The following VWF variants were observed in gnomAD, a reference collection of about 807,000 sequenced individuals.
VWF encodes the protein Factor VIII related antigen.
Under a neutral mutation model 308.6 loss-of-function variants are expected in VWF, and 176 were observed. The observed-to-expected ratio is 0.57, with a 90% confidence interval of 0.50 to 0.65. The LOEUF (loss-of-function observed/expected upper bound fraction) is 0.65, where lower values mean the gene tolerates loss of function less well. Ranked by LOEUF, VWF falls within the 30% of genes least tolerant of loss-of-function variation. The pLI is 0.00. For missense variants in VWF, 3,146 were observed against 3,648.2 expected (o/e 0.86, Z 3.55); for synonymous variants, 1,385 against 1,443.4 (o/e 0.96, Z 0.92).
intron 16 of VWF, among the ~76,000 whole-genome samples, chr12:6,050,875 A>G (rs11064009): frequency 0.039 from 6,004 of 152,092 alleles, 149 homozygotes; most frequent in Middle Eastern, 0.065. Flanking sequence ...GAATCGCTTG[A>G]ACCCCAGAGG....
chr12:6,030,018 C>T (rs1944241012), intron 21 of VWF, among the ~76,000 whole-genome samples: 1 of 152,194 alleles, frequency 6.6e-6, no homozygotes, highest in Non-Finnish European at 1.5e-5. Flanking sequence ...CTGGGAATCA[C>T]ACACTGCAGG....
chr12:6,031,744 A>G (rs1234989376), intron 20 of VWF, among the ~76,000 whole-genome samples, 166 bp from the exon 21 acceptor site: 1 of 147,320 alleles, frequency 6.8e-6, no homozygotes, highest in Non-Finnish European at 1.5e-5. Context: ...GACGGGGGAT[A>G]TGCCCAGGTG....
At chr12:6,049,421 C>T (rs1289028636) in intron 16 of VWF, among the ~76,000 whole-genome samples, 3 of 152,176 alleles carry the variant, frequency 2.0e-5, no homozygotes, top group East Asian at 1.9e-4. Context: ...GGGGCCAAGG[C>T]GCACCTTCTC....
At chr12:6,080,274 A>G (rs983138017) in intron 6 of VWF, among the ~76,000 whole-genome samples, 6 of 152,246 alleles carry the variant, frequency 3.9e-5, no homozygotes, top group Non-Finnish European at 7.3e-5. Flanking sequence ...ATGCTGAATC[A>G]AACCTAACAG....
At chr12:5,964,031 C>T (rs904089531) in intron 47 of VWF, among the ~76,000 whole-genome samples, 2 of 151,998 alleles carry the variant, frequency 1.3e-5, no homozygotes, top group South Asian at 2.1e-4. Flanking sequence ...CACGGTGAAA[C>T]CCCGTCTCTA....
At chr12:5,997,913 A>G (rs1187328799) in intron 34 of VWF, among the ~76,000 whole-genome samples, 1 of 152,244 alleles carries the variant, frequency 6.6e-6, no homozygotes, top group Non-Finnish European at 1.5e-5. Context: ...TTAGAGTTAT[A>G]TAACAAAATG....
At chr12:6,054,333 G>A (rs1944552860) in intron 15 of VWF, among the ~76,000 whole-genome samples, 1 of 152,340 alleles carries the variant, frequency 6.6e-6, no homozygotes, top group South Asian at 2.1e-4. Context: ...AATACTGAGG[G>A]AGTGTAGGTT....
chr12:5,955,299 G>A (rs1205673366), intron 47 of VWF, among the ~76,000 whole-genome samples: 1 of 151,810 alleles, frequency 6.6e-6, no homozygotes, highest in Admixed American at 6.5e-5. Context: ...CATGTGCCAT[G>A]CTGGTGTGCT....
chr12:5,987,088 C>T (rs1215736500), intron 38 of VWF, among the ~76,000 whole-genome samples: 1 of 152,102 alleles, frequency 6.6e-6, no homozygotes, highest in East Asian at 1.9e-4. Context: ...CCACCATACC[C>T]AGCTAATTTT....
intron 47 of VWF, among the ~76,000 whole-genome samples, chr12:5,966,450 A>T (rs1943405263): frequency 1.3e-5 from 2 of 152,130 alleles, no homozygotes; most frequent in African/African-American, 4.8e-5. Context: ...TCTCCTACAG[A>T]CCCATCCGCT....
rs372337280 is a variant in VWF, at chr12:6,100,248, G to C, written c.533-4664C>G. 6.0e-5 allele frequency among the ~76,000 whole-genome samples: 9 copies of C among 150,004 alleles called. No individual in the cohort carries two copies. In the East Asian group the frequency reaches 1.5e-3, roughly 26 times the overall value. On this transcript the variant is annotated intron_variant, in intron 5 of 51. Coordinates refer to ENST00000261405, the MANE Select transcript of VWF (RefSeq NM_000552.5). ...ATTAAAAAGTCAGGAAACAACAGGT[G>C]CTGGAGAGGATGTGGAGAAATAGGA... is the stretch of plus-strand genomic sequence containing the variant.
intron 10 of VWF, 90 bp from the exon 11 acceptor site, chr12:6,065,363 C>T: frequency 6.5e-7 from 1 of 1,544,152 alleles, no homozygotes. Context: ...AAGCAGGGTG[C>T]CCTTCCCCAA....
chr12:6,097,628 G>A (rs758988842), intron 5 of VWF, among the ~76,000 whole-genome samples: 3 of 152,168 alleles, frequency 2.0e-5, no homozygotes, highest in Non-Finnish European at 4.4e-5. Flanking sequence ...CTTCTGGAGG[G>A]AGTTTTGGCC....
At chr12:5,955,231 T>C (rs934745235) in intron 47 of VWF, among the ~76,000 whole-genome samples, 2 of 151,588 alleles carry the variant, frequency 1.3e-5, no homozygotes, top group Non-Finnish European at 2.9e-5. Context: ...TTTTTTTTTA[T>C]TATACTTTAA....
chr12:6,039,624 G>A (rs1032953246), intron 18 of VWF, among the ~76,000 whole-genome samples: 1 of 152,154 alleles, frequency 6.6e-6, no homozygotes, highest in Non-Finnish European at 1.5e-5. Context: ...ATGAATTTTT[G>A]CTTATTATAT....
rs73261081 is a variant in VWF, at chr12:6,022,178, A to G, written c.3539-143T>C. On this transcript the variant is annotated intron_variant, in intron 26 of 51. Transcript: ENST00000261405. ...TGCCTGCACTCCCAGGGGTCACCCC[A>G]TCACTCAAGGAGCATCTCTCCTGCT... 0.014 allele frequency: 16,924 copies of G among 1,179,070 alleles called. 1,613 individuals are homozygous for G. In the African/African-American group the frequency reaches 0.22, roughly 15 times the overall value. 73.0% of individuals were successfully genotyped at this position (1,179,070 alleles called of 1,614,324 possible).
At chr12:6,009,264 C>T (rs1395344488) in intron 34 of VWF, among the ~76,000 whole-genome samples, 1 of 150,606 alleles carries the variant, frequency 6.6e-6, no homozygotes, top group African/African-American at 2.4e-5. Context: ...TGCAAATAAC[C>T]CAATTTAAAA....
intron 43 of VWF, among the ~76,000 whole-genome samples, chr12:5,974,128 C>G (rs1370548989): frequency 2.0e-5 from 3 of 152,096 alleles, no homozygotes; most frequent in Non-Finnish European, 4.4e-5. Flanking sequence ...CATATATGAG[C>G]CCAAGTGCCT....
At chr12:6,119,029 T>C (rs1479728981) in intron 3 of VWF, among the ~76,000 whole-genome samples, 1 of 152,248 alleles carries the variant, frequency 6.6e-6, no homozygotes, top group Non-Finnish European at 1.5e-5. Flanking sequence ...GCCAAGGCCA[T>C]TCCGCCTCCT....
Sources: gnomAD v4.1 joint callset for allele counts (sites outside exome capture counted in the v4.1 genomes callset) on GRCh38, gnomAD v4.1.1 for gene constraint, MANE v1.5 for transcripts, NCBI Gene and HGNC (gene_info 2026-07-23, HGNC 2026-07-21) for gene names.